The following ADCY1 variants were observed in gnomAD, a reference collection of about 807,000 sequenced individuals.
ADCY1 encodes adenylate cyclase type 1.
Under a neutral mutation model 105.4 loss-of-function variants are expected in ADCY1, and 28 were observed. The observed-to-expected ratio is 0.27, with a 90% CI of 0.20 to 0.36. The LOEUF (loss-of-function observed/expected upper bound fraction) is 0.36. Among genes scored for constraint, ADCY1 ranks in the 10% least tolerant of loss-of-function variants. The pLI is 1.00. For synonymous variants in ADCY1, 655 were observed against 623.8 expected, an observed-to-expected ratio of 1.05 and a Z score of -0.75; for missense variants, 977 against 1,434.2, an observed-to-expected ratio of 0.68 and a Z score of 5.15.
Position 45,721,359 on chromosome 7 carries a change from AC to A in ADCY1, c.*7365del, listed in dbSNP as rs1395702406. The A allele has an allele frequency of 7.9e-6, 2 of 251,780 alleles. No individual in the cohort carries two copies. The highest frequency in any genetic ancestry group is 2.2e-5 in the African/African-American group (1 of 45,348). 15.6% of individuals were successfully genotyped at this position (251,780 alleles called of 1,614,324 possible). Reference sequence around the variant, plus strand: ...AAAATGTTAGGCTTTAAAAATCCCTACTTTGTCATATCAGACTATATTCTAA... The same window carrying A: ...AAAATGTTAGGCTTTAAAAATCCCTATTTGTCATATCAGACTATATTCTAA... On this transcript the variant is annotated 3_prime_UTR_variant, in exon 20 of 20. Transcript: ENST00000297323.
intron 8 of ADCY1, among the ~76,000 whole-genome samples, chr7:45,670,278 T>A (rs1470852812): frequency 6.6e-6 from 1 of 152,194 alleles, no homozygotes; most frequent in Non-Finnish European, 1.5e-5. Flanking sequence ...GAAGGACGGC[T>A]ACCTTCCTCT....
At chr7:45,607,720 G>A (rs1793418003) in intron 2 of ADCY1, among the ~76,000 whole-genome samples, 1 of 152,120 alleles carries the variant, frequency 6.6e-6, no homozygotes, top group Non-Finnish European at 1.5e-5. Flanking sequence ...TTCTGTTTCT[G>A]TGTTACTTCA....
chr7:45,599,277 G>A (rs569370075), intron 2 of ADCY1, among the ~76,000 whole-genome samples: 119 of 152,098 alleles, frequency 7.8e-4, no homozygotes, highest in African/African-American at 2.7e-3. Context: ...AAGTGGTGTC[G>A]GGGGCATCCC....
At chr7:45,623,917 A>G (rs1024308171) in intron 4 of ADCY1, among the ~76,000 whole-genome samples, 2 of 152,090 alleles carry the variant, frequency 1.3e-5, no homozygotes, top group Non-Finnish European at 2.9e-5. Context: ...CTGCCCTGTG[A>G]GGGTGTGGGA....
intron 1 of ADCY1, among the ~76,000 whole-genome samples, chr7:45,587,475 C>A: frequency 6.6e-6 from 1 of 152,078 alleles, no homozygotes; most frequent in East Asian, 1.9e-4. Context: ...CTGTCAGGGG[C>A]AGGGCCTGAT....
At chr7:45,688,047 T>C (rs1784719459) in intron 14 of ADCY1, among the ~76,000 whole-genome samples, 1 of 152,178 alleles carries the variant, frequency 6.6e-6, no homozygotes, top group South Asian at 2.1e-4. Context: ...GGGAAGCCTG[T>C]CAATTTTTTG....
chr7:45,610,577 T>A, intron 3 of ADCY1, 80 bp downstream of exon 3: 1 of 1,255,748 alleles, frequency 8.0e-7, no homozygotes, highest in Non-Finnish European at 1.2e-6. Context: ...GGGGAGGTGA[T>A]GACAGAAGTG....
chr7:45,629,493 G>A (rs982925999), intron 4 of ADCY1, among the ~76,000 whole-genome samples: 2 of 151,688 alleles, frequency 1.3e-5, no homozygotes, highest in Admixed American at 6.6e-5. Context: ...AAAAAACATG[G>A]CAGATGTATG....
intron 4 of ADCY1, among the ~76,000 whole-genome samples, chr7:45,629,490 A>G (rs1794166295): frequency 6.6e-6 from 1 of 151,634 alleles, no homozygotes; most frequent in Admixed American, 6.6e-5. Flanking sequence ...GCTAAAAAAC[A>G]TGGCAGATGT....
chr7:45,692,658 G>A (rs750273081), intron 14 of ADCY1, among the ~76,000 whole-genome samples: 7 of 152,108 alleles, frequency 4.6e-5, no homozygotes, highest in Non-Finnish European at 1.0e-4. Flanking sequence ...TTGAAATTTG[G>A]TAAGATAGCA....
At chr7:45,672,522 C>T (rs962368249) in intron 8 of ADCY1, among the ~76,000 whole-genome samples, 3 of 151,882 alleles carry the variant, frequency 2.0e-5, no homozygotes, top group Non-Finnish European at 2.9e-5. Context: ...TACGAGACCT[C>T]GCTGTGTTTT....
chr7:45,677,455 G>A (rs565390540), intron 8 of ADCY1, among the ~76,000 whole-genome samples: 5 of 152,300 alleles, frequency 3.3e-5, no homozygotes, highest in Non-Finnish European at 4.4e-5. Context: ...GACTGGTGAA[G>A]CCACTCCGTT....
chr7:45,587,903 T>C (rs1792780576), intron 1 of ADCY1, among the ~76,000 whole-genome samples: 1 of 152,170 alleles, frequency 6.6e-6, no homozygotes, highest in Admixed American at 6.5e-5. Context: ...AGGTTTCTCC[T>C]CCGTAAAGGT....
chr7:45,586,896 A>G (rs1487002654), intron 1 of ADCY1, among the ~76,000 whole-genome samples: 1 of 152,150 alleles, frequency 6.6e-6, no homozygotes, highest in Non-Finnish European at 1.5e-5. Flanking sequence ...GTTGGTTCAT[A>G]TGAGAAAGCA....
At chr7:45,599,502 T>C (rs1793165945) in intron 2 of ADCY1, among the ~76,000 whole-genome samples, 1 of 151,498 alleles carries the variant, frequency 6.6e-6, no homozygotes, top group Non-Finnish European at 1.5e-5. Context: ...CCTGTCATTC[T>C]GTGGCCAGTG....
In ADCY1 at chr7:45,717,793, A is replaced by C. The variant is rs1208341532; in HGVS notation, c.*3798A>C. The C allele has an allele frequency of 1.3e-5, 2 of 152,538 alleles. No individual in the cohort carries two copies. The highest frequency in any genetic ancestry group is 2.9e-5 in the Non-Finnish European group (2 of 68,062). 9.4% of individuals were successfully genotyped at this position (152,538 alleles called of 1,614,324 possible). Reference sequence around the variant, plus strand: ...CTGTATCCTGCAGGAGGACGCCCCTACAGACCCAGCAACCCAAGTTGCCAG... The same window carrying C: ...CTGTATCCTGCAGGAGGACGCCCCTCCAGACCCAGCAACCCAAGTTGCCAG... On this transcript the variant is annotated 3_prime_UTR_variant, in exon 20 of 20. Transcript: ENST00000297323.
At chr7:45,657,633 C>T in intron 5 of ADCY1, 94 bp from the exon 6 acceptor site, 1 of 1,338,876 alleles carries the variant, frequency 7.5e-7, no homozygotes, top group South Asian at 1.4e-5. Context: ...GACCCAGTTT[C>T]CCTGGTGCTC....
chr7:45,610,716 G>A, intron 3 of ADCY1, among the ~76,000 whole-genome samples: 1 of 121,904 alleles, frequency 8.2e-6, no homozygotes, highest in African/African-American at 3.0e-5. Flanking sequence ...GATGGTGGAG[G>A]TGAGGAGGGG....
At chr7:45,656,342 A>G (rs866106022) in intron 5 of ADCY1, among the ~76,000 whole-genome samples, 16 of 152,194 alleles carry the variant, frequency 1.1e-4, no homozygotes, top group African/African-American at 3.6e-4. Context: ...GTAAAACTAC[A>G]TAGGTATTAA....
Sources: gnomAD v4.1 joint callset for allele counts (sites outside exome capture counted in the v4.1 genomes callset) on GRCh38, gnomAD v4.1.1 for gene constraint, MANE v1.5 for transcripts, NCBI Gene and HGNC (gene_info 2026-07-23, HGNC 2026-07-21) for gene names.